The following ABCC9 variants were observed in gnomAD, a reference collection of about 807,000 sequenced individuals.
ABCC9 encodes ATP-binding cassette sub-family C member 9.
In ABCC9, 95 loss-of-function variants were observed where a neutral mutation model predicts 188.3. The ratio of observed to expected loss-of-function variants is 0.50; its 90% CI spans 0.43 to 0.60. The LOEUF is 0.60. ABCC9 is among the 20% of genes least tolerant of loss of function. ABCC9 has a pLI of 0.00. For synonymous variants in ABCC9, 659 were observed against 652.7 expected (o/e 1.01, Z -0.15); for missense variants, 1,102 against 1,876.3 (o/e 0.59, Z 7.62).
At chr12:21,883,398 C>T (rs958328966) in intron 15 of ABCC9, among the ~76,000 whole-genome samples, 1 of 152,200 alleles carries the variant, frequency 6.6e-6, no homozygotes, top group African/African-American at 2.4e-5. Flanking sequence ...GGGAGTTCCC[C>T]TGCACATGCT....
intron 5 of ABCC9, chr12:21,924,792 T>C (rs1948984071): frequency 6.6e-6 from 1 of 152,150 alleles, no homozygotes; most frequent in African/African-American, 2.4e-5. Flanking sequence ...TGGCATTTTC[T>C]GCAATAATGT....
chr12:21,923,005 C>A (rs1483849245), intron 5 of ABCC9: 4 of 149,192 alleles, frequency 2.7e-5, no homozygotes, highest in African/African-American at 7.3e-5. Flanking sequence ...TTTTTTTTTA[C>A]ATAAGTGCCA....
chr12:21,843,692 A>C (rs972396342), intron 28 of ABCC9, among the ~76,000 whole-genome samples: 5 of 152,196 alleles, frequency 3.3e-5, no homozygotes, highest in East Asian at 3.8e-4. Context: ...TCATCTTCTA[A>C]ATAATGAGTG....
intron 32 of ABCC9, 69 bp from the exon 33 acceptor site, chr12:21,817,376 A>G: frequency 6.6e-7 from 1 of 1,516,746 alleles, no homozygotes; most frequent in Non-Finnish European, 9.1e-7. Flanking sequence ...ATCACCGGAA[A>G]TTTTGGAACG....
chr12:21,918,099 A>G (rs1182583247), intron 5 of ABCC9, among the ~76,000 whole-genome samples: 1 of 152,140 alleles, frequency 6.6e-6, no homozygotes, highest in East Asian at 1.9e-4. Flanking sequence ...GTAGCTTAAA[A>G]GTAAGTAGAT....
Position 21,941,347 on chromosome 12 carries a change from A to C in ABCC9, c.-284T>G, listed in dbSNP as rs1023244792. The C allele has an allele frequency of 4.6e-5, 7 of 152,510 alleles. No individual in the cohort carries two copies. The East Asian group carries it at 7.7e-4, about 17-fold the overall frequency. The allele number at this position is 152,510 out of a possible 1,614,324, so 9.4% of individuals were successfully genotyped here. ...GCCGGGGCAGACACCGCGGCTGAGA[A>C]GCAGGAAACTGGGCAGAAGCCCCGC... On this transcript the variant is annotated 5_prime_UTR_variant, in exon 1 of 40. Coordinates refer to ENST00000261200, the MANE Select transcript of ABCC9 (RefSeq NM_020297.4). The surrounding 1 kb of genome is among the most constrained non-coding windows in gnomAD (Gnocchi z 5.4).
At chr12:21,912,337 G>A (rs193265210) in intron 8 of ABCC9, among the ~76,000 whole-genome samples, 16 of 151,994 alleles carry the variant, frequency 1.1e-4, no homozygotes, top group South Asian at 2.1e-4. Flanking sequence ...TCATAAACAC[G>A]CAGTATTTTA....
chr12:21,908,578 G>A (rs942618383), intron 10 of ABCC9, among the ~76,000 whole-genome samples: 3 of 151,854 alleles, frequency 2.0e-5, no homozygotes, highest in South Asian at 2.1e-4. Flanking sequence ...TCTTGAAAAC[G>A]CTGTCACCCA....
chr12:21,915,313 A>T, intron 7 of ABCC9, among the ~76,000 whole-genome samples: 1 of 55,178 alleles, frequency 1.8e-5, no homozygotes, highest in Non-Finnish European at 4.3e-5. Context: ...TATATATATA[A>T]TGTGTATATA....
rs376061151 is a variant in ABCC9 at position 21,841,420 on chromosome 12, G to A, written c.3473+894C>T. Among the ~76,000 whole-genome samples, 34 of 134,508 alleles carry A rather than the reference G, an allele frequency of 2.5e-4. 2 individuals carry two copies. Among genetic ancestry groups the A allele is most frequent in the African/African-American group, 8.3e-4 (29 of 34,912 alleles). The allele number at this position is 134,508 out of a possible 152,430, so 88.2% of individuals were successfully genotyped here. A position where few individuals can be genotyped will look rare whatever the true frequency, so the allele number is the denominator to read the frequency against. ...GTCACCCAGGCTAGAGTGCAGTGGC[G>A]TGATCTCAGCTCACTGCAAGCTCTG... On this transcript the variant is annotated intron_variant, in intron 29 of 39. Coordinates refer to ENST00000261200, the MANE Select transcript of ABCC9 (RefSeq NM_020297.4).
At chr12:21,832,617 A>T (rs1436677656) in intron 30 of ABCC9, among the ~76,000 whole-genome samples, 25 of 140,460 alleles carry the variant, frequency 1.8e-4, no homozygotes, top group Non-Finnish European at 6.2e-5. Context: ...GTTTAAAAAT[A>T]AAAAAAAAAA....
At position 21,812,040 on chromosome 12, in the gene ABCC9, GT is replaced by G; in HGVS notation, c.4211+8del. 1 of 1,577,348 alleles carries G rather than the reference GT, an allele frequency of 6.3e-7. No homozygotes were observed. The highest frequency in any genetic ancestry group is 1.7e-4 in the Middle Eastern group (1 of 5,978). On this transcript the variant is annotated splice_region_variant and intron_variant, in intron 36 of 39. Transcript: ENST00000261200. ...AAGGCATACAGGTGTTGCTAAATAT[GT>G]TACCTACCTAATGGAACCACTGAAT...
intron 10 of ABCC9, among the ~76,000 whole-genome samples, chr12:21,909,112 A>C (rs1948192926): frequency 6.6e-6 from 1 of 151,934 alleles, no homozygotes; most frequent in Non-Finnish European, 1.5e-5. Context: ...AAATTCCTTA[A>C]GGTCACCCAT....
Position 21,912,931 on chromosome 12 carries a change from T to C in ABCC9, c.952A>G (p.Ile318Val). The stretch of plus-strand genomic sequence containing the variant: ...TTCACACGCTGAACTATTCCAGAAA[T>C]ACAAAGAGGTCCAGCAAAACCCAGT... Reference protein sequence around the residue: ...DLLGFAGPLCISGIVQRVNET... With the variant: ...DLLGFAGPLCVSGIVQRVNET... Residue 318 changes from isoleucine (I) to valine (V), a missense_variant, in exon 8 of 40, where the codon ATT (isoleucine) becomes GTT (valine). Physicochemically the swap from Ile to Val is conservative, Grantham distance 29. This residue lies in a region of ABCC9 where 305 missense variants were observed against 573.0 expected (regional missense o/e 0.53). Transcript: ENST00000261200. 1 of 1,613,616 alleles carries C rather than the reference T, an allele frequency of 6.2e-7. No individual in the cohort carries two copies. The highest frequency in any genetic ancestry group is 8.5e-7 in the Non-Finnish European group (1 of 1,179,712).
rs983287265 is a variant in ABCC9 at position 21,898,406 on chromosome 12, G to T, written c.1619-3091C>A. Among the ~76,000 whole-genome samples the T allele has an allele frequency of 3.3e-5, 5 of 152,298 alleles. 1 individual carries two copies. The highest frequency in any genetic ancestry group is 1.2e-4 in the African/African-American group (5 of 41,552). ...TTAGAGTAGTACAATATAAGCAAGT[G>T]AATCTTGATCATCCTGTCTTCTAGC... On this transcript the variant is annotated intron_variant, in intron 12 of 39. Coordinates refer to ENST00000261200, the MANE Select transcript of ABCC9 (RefSeq NM_020297.4).
At chr12:21,853,818 G>C (rs1016524305) in intron 22 of ABCC9, among the ~76,000 whole-genome samples, 1 of 152,112 alleles carries the variant, frequency 6.6e-6, no homozygotes, top group Non-Finnish European at 1.5e-5. Flanking sequence ...AGAAGGACCA[G>C]GGATGGCAGG....
At chr12:21,920,129 A>T (rs1393526463) in intron 5 of ABCC9, among the ~76,000 whole-genome samples, 4 of 152,030 alleles carry the variant, frequency 2.6e-5, no homozygotes, top group Non-Finnish European at 4.4e-5. Flanking sequence ...CCTATAACTA[A>T]CATTACAATT....
intron 32 of ABCC9, 118 bp downstream of exon 32, chr12:21,818,032 C>A: frequency 1.2e-6 from 1 of 819,154 alleles, no homozygotes; most frequent in South Asian, 1.3e-5. Context: ...CCAATAGGCC[C>A]TGGTATGTGT....
chr12:21,910,759 C>T (rs1360134993), intron 9 of ABCC9, 67 bp downstream of exon 9: 3 of 1,434,284 alleles, frequency 2.1e-6, no homozygotes, highest in Non-Finnish European at 2.9e-6. Flanking sequence ...GAAGCTACCG[C>T]TATTCTTTTC....
Sources: gnomAD v4.1 joint callset for allele counts (sites outside exome capture counted in the v4.1 genomes callset) on GRCh38, gnomAD v4.1.1 for gene constraint, gnomAD v4.1.1 regional missense constraint, Gnocchi (gnomAD v3.1) non-coding constraint, MANE v1.5 for transcripts, NCBI Gene and HGNC (gene_info 2026-07-23, HGNC 2026-07-21) for gene names.